Variants in HVCN1 observed in about 807,000 individuals in gnomAD.
HVCN1 encodes hydrogen voltage gated channel 1.
In HVCN1, 14 loss-of-function variants were observed where a neutral mutation model predicts 29.2. That is an observed-to-expected ratio of 0.48 (90% CI 0.32 to 0.75). The LOEUF is 0.75. HVCN1 is among the 30% of genes least tolerant of loss of function. The pLI, the probability that HVCN1 is intolerant of heterozygous loss-of-function variation, is 0.04. For synonymous variants in HVCN1, 131 were observed against 133.2 expected, an observed-to-expected ratio of 0.98 and a Z score of 0.11; for missense variants, 263 against 341.8, an observed-to-expected ratio of 0.77 and a Z score of 1.82.
intron 5 of HVCN1, 91 bp from the exon 6 acceptor site, chr12:110,651,539 G>T (rs961283581): frequency 3.0e-5 from 24 of 802,582 alleles, no homozygotes; most frequent in African/African-American, 8.6e-5. Flanking sequence ...ACCAGCAAGA[G>T]AATTCCTCTG....
chr12:110,659,942 T>A (rs1396689335), intron 4 of HVCN1, among the ~76,000 whole-genome samples: 2 of 151,834 alleles, frequency 1.3e-5, no homozygotes, highest in Non-Finnish European at 2.9e-5. Context: ...GGCAGGCACC[T>A]GTAATCCCAA....
intron 1 of HVCN1, among the ~76,000 whole-genome samples, chr12:110,702,980 G>A (rs1351542299): frequency 1.3e-5 from 2 of 151,966 alleles, no homozygotes; most frequent in South Asian, 2.1e-4. Context: ...TAGAGTCAGG[G>A]TTTCACCATG....
rs2068762462 is a variant in HVCN1 at position 110,676,744 on chromosome 12, T to G, written c.21+6481A>C. The stretch of plus-strand genomic sequence containing the variant: ...GAGGGCTCTGGAAGCTTGTGCCAGG[T>G]TTTTTCTGAACTTCACCCCACGTGC... On this transcript the variant is annotated intron_variant, in intron 3 of 7. Transcript: ENST00000242607. This position sits in a 1 kb window ranked among gnomAD's most constrained non-coding sequence, Gnocchi z 4.1. 6.6e-6 allele frequency among the ~76,000 whole-genome samples: 1 copy of G among 151,990 alleles called. No individual in the cohort carries two copies. Among genetic ancestry groups the G allele is most frequent in the African/African-American group, 2.4e-5 (1 of 41,378 alleles).
At chr12:110,659,985 C>T (rs1011285525) in intron 4 of HVCN1, among the ~76,000 whole-genome samples, 1 of 149,312 alleles carries the variant, frequency 6.7e-6, no homozygotes, top group African/African-American at 2.5e-5. Context: ...ATAGCTTGAA[C>T]CCAGGAAGCA....
intron 2 of HVCN1, chr12:110,688,205 C>T (rs2069271108): frequency 6.6e-6 from 1 of 152,218 alleles, no homozygotes; most frequent in South Asian, 2.1e-4. Context: ...CTCAGCAATC[C>T]TGCGAGGTAG....
chr12:110,678,439 C>CTTTTTTTTTTTTTTTTTTT (rs538999674), intron 3 of HVCN1, among the ~76,000 whole-genome samples: 1 of 65,808 alleles, frequency 1.5e-5, no homozygotes, highest in Non-Finnish European at 2.9e-5. Flanking sequence ...CATTCTATTT[C>CTTTTTTTTTTTTTTTTTTT]TTTTTTTTTT....
intron 3 of HVCN1, among the ~76,000 whole-genome samples, chr12:110,666,371 C>T (rs1229172264): frequency 3.9e-5 from 6 of 151,982 alleles, no homozygotes; most frequent in South Asian, 2.1e-4. Flanking sequence ...TGCAGTGAGC[C>T]GAGATCGTGC....
At chr12:110,652,206 C>A (rs1236192665) in intron 5 of HVCN1, among the ~76,000 whole-genome samples, 1 of 152,074 alleles carries the variant, frequency 6.6e-6, no homozygotes, top group Non-Finnish European at 1.5e-5. Context: ...CCACGTTGGC[C>A]AACATGGTGA....
chr12:110,699,138 A>G (rs1272809231), intron 2 of HVCN1, among the ~76,000 whole-genome samples: 1 of 152,184 alleles, frequency 6.6e-6, no homozygotes, highest in Non-Finnish European at 1.5e-5. Flanking sequence ...AAAACAAGCA[A>G]ACAAACAAAA....
intron 5 of HVCN1, among the ~76,000 whole-genome samples, chr12:110,654,979 G>A (rs1214519940): frequency 6.6e-6 from 1 of 152,104 alleles, no homozygotes; most frequent in East Asian, 1.9e-4. Flanking sequence ...AGAGATGGCA[G>A]AGTGGATCCA....
chr12:110,679,859 CA>C (rs370385245), intron 3 of HVCN1, among the ~76,000 whole-genome samples: 1,582 of 88,190 alleles, frequency 0.018, 6 homozygotes, highest in African/African-American at 0.022. Flanking sequence ...GACTCCGTCT[CA>C]AAAAAAAAAA....
At chr12:110,674,293 A>AC (rs377280211) in intron 3 of HVCN1, among the ~76,000 whole-genome samples, 62 of 152,126 alleles carry the variant, frequency 4.1e-4, no homozygotes, top group Non-Finnish European at 7.8e-4. Context: ...AATACCTGTA[A>AC]CCCCCCTGCA....
rs757178517 is a variant in HVCN1, at chr12:110,661,348, T to C, written c.122A>G (p.Asn41Ser). 26 of 1,614,082 alleles carry C rather than the reference T, an allele frequency of 1.6e-5. No individual in the cohort carries two copies. Among genetic ancestry groups the C allele is most frequent in the Admixed American group, 1.0e-4 (6 of 60,004 alleles). Residue 41 changes from asparagine (N) to serine (S), a missense_variant, in exon 4 of 8, where the codon AAC becomes AGC. Asn to Ser is a conservative substitution (Grantham distance 46, BLOSUM62 1). Around this residue, in one of 3 missense-constraint regions of HVCN1, gnomAD observed 157 missense variants for 181.3 expected, o/e 0.87. Transcript: ENST00000242607. This position sits in a 1 kb window ranked among gnomAD's most constrained non-coding sequence, Gnocchi z 6.2. ...VGDDYHAWNI[N>S]YKKWENEEEE... ...CTCTTCATTCTCCCATTTCTTGTAGTTGATGTTCCAGGCATGGTAGTCGTC... is the reference window on the plus strand; with the variant it reads ...CTCTTCATTCTCCCATTTCTTGTAGCTGATGTTCCAGGCATGGTAGTCGTC...
upstream of HVCN1, among the ~76,000 whole-genome samples, chr12:110,690,975 G>A (rs1448178499): frequency 6.6e-6 from 1 of 151,658 alleles, no homozygotes; most frequent in African/African-American, 2.4e-5. Flanking sequence ...GGCTGGTCTC[G>A]AACTTCTGAC....
chr12:110,661,212 A>G lies in HVCN1; in HGVS notation c.258T>C (p.Leu86=). The change falls in exon 4 of 8, where the codon CTT becomes CTC. Residue 86 remains leucine (L), a synonymous_variant. Coordinates refer to ENST00000242607, the MANE Select transcript of HVCN1 (RefSeq NM_032369.4). The surrounding 1 kb of genome is among the most constrained non-coding windows in gnomAD (Gnocchi z 6.2). ...GTTTCCTCAACATGCCCCTGAAGTC[A>G]AGGGGGGCCCTGGGTGCGGGGCCAG... is the stretch of plus-strand genomic sequence containing the variant. ...PAPGPAPRAP[L]DFRGMLRKLF... 6.2e-7 allele frequency: 1 copy of G among 1,613,608 alleles called. No individual in the cohort carries two copies. Among genetic ancestry groups the G allele is most frequent in the Non-Finnish European group, 8.5e-7 (1 of 1,179,666 alleles).
intron 2 of HVCN1, among the ~76,000 whole-genome samples, chr12:110,699,185 A>C (rs1039911859): frequency 2.0e-5 from 3 of 152,106 alleles, no homozygotes; most frequent in Non-Finnish European, 2.9e-5. Context: ...CTTTGCTGGG[A>C]TTTGCTGGGC....
chr12:110,675,463 G>T (rs997361360), intron 3 of HVCN1, among the ~76,000 whole-genome samples: 5 of 152,062 alleles, frequency 3.3e-5, no homozygotes, highest in African/African-American at 7.2e-5. Context: ...CATCTCAAAA[G>T]AAACAGAAAA....
chr12:110,651,985 T>C (rs1396608383), intron 5 of HVCN1, among the ~76,000 whole-genome samples: 1 of 152,170 alleles, frequency 6.6e-6, no homozygotes, highest in Non-Finnish European at 1.5e-5. Flanking sequence ...CTGGGCAACA[T>C]AGCAAGACCC....
At chr12:110,668,316 A>T (rs912003215) in intron 3 of HVCN1, among the ~76,000 whole-genome samples, 1 of 152,154 alleles carries the variant, frequency 6.6e-6, no homozygotes, top group African/African-American at 2.4e-5. Flanking sequence ...AGCCTGACCA[A>T]CATGGCGAAA....
Sources: allele counts gnomAD v4.1 joint callset (sites outside exome capture counted in the v4.1 genomes callset), GRCh38; gene constraint gnomAD v4.1.1; regional missense constraint gnomAD v4.1.1; non-coding constraint Gnocchi (gnomAD v3.1); transcripts MANE v1.5; gene names NCBI Gene and HGNC (gene_info 2026-07-23, HGNC 2026-07-21).